Variants in ARNT2 observed in about 807,000 individuals in gnomAD.
The protein encoded by ARNT2 is aryl hydrocarbon receptor nuclear translocator 2.
In ARNT2, 36 loss-of-function variants were observed where a neutral mutation model predicts 91.7. The ratio of observed to expected loss-of-function variants is 0.39; its 90% CI spans 0.30 to 0.52. ARNT2 has a LOEUF of 0.52. Ranked by LOEUF, ARNT2 falls within the 20% of genes least tolerant of loss-of-function variation. The pLI is 0.72. For missense variants in ARNT2, 775 were observed against 939.3 expected (o/e 0.83, Z 2.29); for synonymous variants, 365 against 347.1 (o/e 1.05, Z -0.57).
chr15:80,451,471 CT>C (rs1896388618), intron 2 of ARNT2, among the ~76,000 whole-genome samples: 1 of 152,264 alleles, frequency 6.6e-6, no homozygotes, highest in Non-Finnish European at 1.5e-5. Flanking sequence ...TTGTCTGCTG[CT>C]CTGCTGGTGA....
At chr15:80,567,217 A>G (rs1234919716) in intron 12 of ARNT2, among the ~76,000 whole-genome samples, 1 of 152,186 alleles carries the variant, frequency 6.6e-6, no homozygotes, top group African/African-American at 2.4e-5. Flanking sequence ...GGATGTGCTC[A>G]CTGACCTGAA....
chr15:80,448,988 AAAAAC>A (rs368146696), intron 1 of ARNT2, among the ~76,000 whole-genome samples: 8 of 152,192 alleles, frequency 5.3e-5, no homozygotes, highest in Middle Eastern at 3.4e-3. Flanking sequence ...CCGTCTCAAA[AAAAAC>A]AAAACAAAAC....
chr15:80,521,287 G>A (rs938125292), intron 8 of ARNT2, among the ~76,000 whole-genome samples: 53 of 152,100 alleles, frequency 3.5e-4, no homozygotes, highest in Middle Eastern at 3.4e-3. Flanking sequence ...AGTGCTGGCA[G>A]CAAGTTACAC....
At chr15:80,514,001 T>A in intron 7 of ARNT2, 25 bp downstream of exon 7, 1 of 1,594,018 alleles carries the variant, frequency 6.3e-7, no homozygotes, top group Non-Finnish European at 8.6e-7. Flanking sequence ...CGATGTATAT[T>A]TTGGGACTGT....
At chr15:80,457,836 A>G (rs546102301) in intron 2 of ARNT2, 93 bp from the exon 3 acceptor site, 125 of 1,351,110 alleles carry the variant, frequency 9.3e-5, no homozygotes, top group Non-Finnish European at 1.2e-4. Context: ...TAGCAGTCCT[A>G]GTGAATAAAG....
intron 8 of ARNT2, among the ~76,000 whole-genome samples, chr15:80,543,755 T>C (rs1255204130): frequency 6.6e-6 from 1 of 152,208 alleles, no homozygotes; most frequent in Non-Finnish European, 1.5e-5. Context: ...AATTTTTTAT[T>C]ATTTTACTTT....
intron 1 of ARNT2, chr15:80,441,305 A>T: frequency 2.0e-6 from 2 of 984,998 alleles, no homozygotes; most frequent in Non-Finnish European, 2.4e-6. Flanking sequence ...CATTTCTTCT[A>T]CACGGATAAC....
intron 5 of ARNT2, among the ~76,000 whole-genome samples, chr15:80,504,237 C>CT (rs994537818): frequency 7.2e-5 from 11 of 152,200 alleles, no homozygotes; most frequent in African/African-American, 2.4e-4. Flanking sequence ...CTCTTCCTGG[C>CT]TTTATTGTTC....
At chr15:80,473,661 G>A (rs1403436559) in intron 4 of ARNT2, among the ~76,000 whole-genome samples, 2 of 152,172 alleles carry the variant, frequency 1.3e-5, no homozygotes, top group African/African-American at 4.8e-5. Context: ...AAAAATGCTT[G>A]TACCAACTGC....
intron 17 of ARNT2, among the ~76,000 whole-genome samples, chr15:80,583,666 A>G (rs1401355010): frequency 6.6e-6 from 1 of 152,226 alleles, no homozygotes; most frequent in African/African-American, 2.4e-5. Context: ...TTCCCATCTC[A>G]CAGATAAGTA....
Position 80,597,226 on chromosome 15 carries a change from G to A in ARNT2, c.*3528G>A, listed in dbSNP as rs1031464887. On this transcript the variant is annotated 3_prime_UTR_variant, in exon 19 of 19. Transcript: ENST00000303329. ...AATGGTGGTCTCCCCACTCCCGGCA[G>A]CACTTTAGGCAGCCCATAAGCTATG... is the stretch of plus-strand genomic sequence containing the variant. The A allele has an allele frequency of 3.9e-6, 2 of 518,322 alleles. No individual in the cohort carries two copies. Among genetic ancestry groups the A allele is most frequent in the Non-Finnish European group, 7.7e-6 (2 of 259,820 alleles). The allele number at this position is 518,322 out of a possible 1,614,324, so 32.1% of individuals were successfully genotyped here.
At chr15:80,405,752 A>G (rs1195779039) in intron 1 of ARNT2, among the ~76,000 whole-genome samples, 2 of 152,330 alleles carry the variant, frequency 1.3e-5, no homozygotes, top group Non-Finnish European at 2.9e-5. Context: ...AAGAGGCAGC[A>G]GTGGGATTTA....
intron 1 of ARNT2, among the ~76,000 whole-genome samples, chr15:80,405,724 T>C (rs1478012821): frequency 6.6e-6 from 1 of 152,046 alleles, no homozygotes; most frequent in African/African-American, 2.4e-5. Flanking sequence ...CAGTGAGTAG[T>C]TGGTGCACTG....
rs570468780 is a variant in ARNT2 at position 80,487,142 on chromosome 15, T to C, written c.622+11919T>C. Among the ~76,000 whole-genome samples the C allele has an allele frequency of 6.0e-4, 91 of 152,266 alleles. No individual in the cohort carries two copies. In the South Asian group the frequency reaches 0.011, roughly 18 times the overall value. The stretch of plus-strand genomic sequence containing the variant: ...AGTTGAATTCCTCCAGGCTGCCCCT[T>C]GCTGTACTTCTCCCTGCTTCTCATA... On this transcript the variant is annotated intron_variant, in intron 5 of 18. Transcript: ENST00000303329.
chr15:80,503,430 A>G (rs531101650), intron 5 of ARNT2, among the ~76,000 whole-genome samples: 1 of 152,354 alleles, frequency 6.6e-6, no homozygotes, highest in East Asian at 1.9e-4. Context: ...GGAGAAGCAC[A>G]CAGAGAAATA....
At position 80,591,107 on chromosome 15, in the gene ARNT2, C is replaced by T. The variant is rs959188830; in HGVS notation, c.1919-461C>T. ...GGGCCAGATGCCTTTCAAGAGCATT[C>T]GGTGGACCGAGAGGGAATCAGGAGC... is the stretch of plus-strand genomic sequence containing the variant. On this transcript the variant is annotated intron_variant, in intron 17 of 18. Coordinates refer to ENST00000303329, the MANE Select transcript of ARNT2 (RefSeq NM_014862.4). The surrounding 1 kb of genome is among the most constrained non-coding windows in gnomAD (Gnocchi z 5.1). Among the ~76,000 whole-genome samples, 5 of 152,184 alleles carry T rather than the reference C, an allele frequency of 3.3e-5. No individual in the cohort carries two copies. The highest frequency in any genetic ancestry group is 1.9e-4 in the East Asian group (1 of 5,196).
intron 8 of ARNT2, among the ~76,000 whole-genome samples, chr15:80,523,681 G>A (rs1897589198): frequency 6.6e-6 from 1 of 152,162 alleles, no homozygotes; most frequent in South Asian, 2.1e-4. Context: ...CCTTGATCAT[G>A]GAAAGACTCA....
At chr15:80,544,219 A>G (rs547813471) in intron 8 of ARNT2, among the ~76,000 whole-genome samples, 2 of 152,280 alleles carry the variant, frequency 1.3e-5, no homozygotes, top group African/African-American at 4.8e-5. Flanking sequence ...ATGTTTTGGC[A>G]GCTTGGTCTG....
Position 80,404,483 on chromosome 15 carries a change from CT to C in ARNT2, c.-32del. 1 of 1,225,306 alleles carries C rather than the reference CT, an allele frequency of 8.2e-7. No homozygotes were observed. Among genetic ancestry groups the C allele is most frequent in the South Asian group, 1.6e-5 (1 of 62,162 alleles). The allele number at this position is 1,225,306 out of a possible 1,614,324, so 75.9% of individuals were successfully genotyped here. ...GCTCCGCGCCGCCCCTCCCGCGCCC[CT>C]GCCAAGCGGGCGCCTATCCTCTCCG... On this transcript the variant is annotated 5_prime_UTR_variant, in exon 1 of 19. Coordinates refer to ENST00000303329, the MANE Select transcript of ARNT2 (RefSeq NM_014862.4). The surrounding 1 kb of genome is among the most constrained non-coding windows in gnomAD (Gnocchi z 5.5).
Sources: gnomAD v4.1 joint callset for allele counts (sites outside exome capture counted in the v4.1 genomes callset) on GRCh38, gnomAD v4.1.1 for gene constraint, Gnocchi (gnomAD v3.1) non-coding constraint, MANE v1.5 for transcripts, NCBI Gene and HGNC (gene_info 2026-07-23, HGNC 2026-07-21) for gene names.